Variants in B3GALNT2 observed in about 807,000 individuals in gnomAD.
B3GALNT2 encodes beta-1,3-N-acetylgalactosaminyltransferase 2.
In B3GALNT2, 53 loss-of-function variants were observed where a neutral mutation model predicts 61.1. That is an observed-to-expected ratio of 0.87 (90% confidence interval 0.70 to 1.09). The LOEUF (loss-of-function observed/expected upper bound fraction) is 1.09, where lower values mean the gene tolerates loss of function less well. Among genes scored for constraint, B3GALNT2 ranks in the 50% least tolerant of loss-of-function variants. The pLI is 0.00. For synonymous variants in B3GALNT2, 223 were observed against 237.4 expected, an observed-to-expected ratio of 0.94 and a Z score of 0.56; for missense variants, 544 against 623.0, an observed-to-expected ratio of 0.87 and a Z score of 1.35.
chr1:235,456,779 A>G (rs1450265217), intron 8 of B3GALNT2, among the ~76,000 whole-genome samples: 1 of 152,200 alleles, frequency 6.6e-6, no homozygotes, highest in Non-Finnish European at 1.5e-5. Context: ...ATCTTGCTCT[A>G]AAGAGTATCC....
chr1:235,460,081 C>A (rs1277288561), intron 7 of B3GALNT2, among the ~76,000 whole-genome samples: 1 of 149,276 alleles, frequency 6.7e-6, no homozygotes, highest in Non-Finnish European at 1.5e-5. Context: ...GCGTGAGCCA[C>A]TGCACCAGGC....
chr1:235,482,387 G>C (rs962985476), intron 4 of B3GALNT2, among the ~76,000 whole-genome samples: 3 of 151,760 alleles, frequency 2.0e-5, no homozygotes, highest in Admixed American at 6.6e-5. Context: ...AGGCATTAGG[G>C]GGAACCTCCC....
chr1:235,476,972 C>CTATG (rs1684315505), intron 5 of B3GALNT2, among the ~76,000 whole-genome samples: 1 of 151,038 alleles, frequency 6.6e-6, no homozygotes, highest in African/African-American at 2.4e-5. Context: ...CTGCGGTGAG[C>CTATG]TATGATCATG....
chr1:235,455,535 A>G (rs746138693), intron 9 of B3GALNT2, 24 bp downstream of exon 9: 11 of 1,607,758 alleles, frequency 6.8e-6, no homozygotes, highest in South Asian at 2.2e-5. Flanking sequence ...ACGAATGCCA[A>G]TGGGCTAAGA....
At chr1:235,453,367 C>G (rs534831283) in intron 10 of B3GALNT2, among the ~76,000 whole-genome samples, 1 of 152,026 alleles carries the variant, frequency 6.6e-6, no homozygotes, top group Non-Finnish European at 1.5e-5. Flanking sequence ...CGCGAGCAGA[C>G]GACCCATCCT....
chr1:235,444,566 G>A (rs1049191570), downstream of B3GALNT2, among the ~76,000 whole-genome samples: 5 of 152,048 alleles, frequency 3.3e-5, no homozygotes, highest in African/African-American at 9.7e-5. Context: ...ACCACACCCC[G>A]CTAATTTTTT....
chr1:235,453,608 G>C (rs995548329), intron 10 of B3GALNT2, among the ~76,000 whole-genome samples: 4 of 152,016 alleles, frequency 2.6e-5, no homozygotes, highest in African/African-American at 9.7e-5. Flanking sequence ...TGTGCGCCCA[G>C]CTAATTTTTT....
chr1:235,457,656 A>G (rs704709), intron 8 of B3GALNT2, among the ~76,000 whole-genome samples: 76,940 of 152,002 alleles, frequency 0.51, 19,866 homozygotes, highest in East Asian at 0.65. Context: ...AGCCAGCCAC[A>G]TAAGAGTTTT....
chr1:235,474,688 G>A (rs901180838), intron 5 of B3GALNT2, among the ~76,000 whole-genome samples: 1 of 151,692 alleles, frequency 6.6e-6, no homozygotes, highest in Non-Finnish European at 1.5e-5. Context: ...AGGTGTGGTG[G>A]CAGGCACTCG....
chr1:235,454,921 T>G (rs970141146), intron 9 of B3GALNT2, among the ~76,000 whole-genome samples: 5 of 152,218 alleles, frequency 3.3e-5, no homozygotes, highest in African/African-American at 1.2e-4. Context: ...CTAATCCATA[T>G]TGTATTCCTG....
intron 1 of B3GALNT2, among the ~76,000 whole-genome samples, chr1:235,498,664 A>C (rs1382038858): frequency 6.6e-6 from 1 of 151,944 alleles, no homozygotes; most frequent in East Asian, 1.9e-4. Context: ...AATATGGTGA[A>C]ACCTCATCTC....
At position 235,453,131 on chromosome 1, in the gene B3GALNT2, T is replaced by G. The variant is rs1285284378; in HGVS notation, c.1327A>C (p.Met443Leu). The G allele has an allele frequency of 6.2e-7, 1 of 1,612,722 alleles. No individual in the cohort carries two copies. Among genetic ancestry groups the G allele is most frequent in the Non-Finnish European group, 8.5e-7 (1 of 1,178,782 alleles). The change falls in exon 11 of 12, where the codon ATG becomes CTG. Residue 443 changes from methionine (M) to leucine (L), a missense_variant. Coordinates refer to ENST00000366600, the MANE Select transcript of B3GALNT2 (RefSeq NM_152490.5). ...CCTATGGCAGCCATCCAGATGCCCATGCTTACATCTTCACCCTATACATGG... is the reference window on the plus strand; with the variant it reads ...CCTATGGCAGCCATCCAGATGCCCAGGCTTACATCTTCACCCTATACATGG... ...LKTYQGEDVSMGIWMAAIGPK... is the reference protein window; with the variant it reads ...LKTYQGEDVSLGIWMAAIGPK...
intron 4 of B3GALNT2, among the ~76,000 whole-genome samples, chr1:235,480,905 CAAAAAAAAAAAAAAAAAAAAAAAA>C (rs55666590): frequency 1.3e-3 from 41 of 31,174 alleles, no homozygotes; most frequent in East Asian, 4.2e-3. Flanking sequence ...GACTCTGTCT[CAAAAAAAAAAAAAAAAAAAAAAAA>C]AAAAAAAAAA....
rs145451290 is a variant in B3GALNT2 at position 235,467,113 on chromosome 1, C to T, written c.763-1399G>A. ...CCTGTAATCCCAGCACTTTGGGAGG[C>T]GGAGGCGGGCGGATCACGAGGACAA... On this transcript the variant is annotated intron_variant, in intron 6 of 11. Coordinates refer to ENST00000366600, the MANE Select transcript of B3GALNT2 (RefSeq NM_152490.5). 2.2e-3 allele frequency among the ~76,000 whole-genome samples: 336 copies of T among 152,214 alleles called. 2 individuals are homozygous for T. The highest frequency in any genetic ancestry group is 7.2e-3 in the African/African-American group (299 of 41,524).
At chr1:235,493,912 C>T (rs1405219537) in intron 2 of B3GALNT2, among the ~76,000 whole-genome samples, 2 of 152,170 alleles carry the variant, frequency 1.3e-5, no homozygotes, top group South Asian at 2.1e-4. Context: ...AACTTCTATG[C>T]GTTTCTTCCC....
Position 235,448,814 on chromosome 1 carries a change from A to C in B3GALNT2, c.*1392T>G, listed in dbSNP as rs1354305421. 7.7e-7 allele frequency: 1 copy of C among 1,303,186 alleles called. No individual in the cohort carries two copies. The highest frequency in any genetic ancestry group is 1.7e-5 in the Admixed American group (1 of 59,130). The allele number at this position is 1,303,186 out of a possible 1,614,324, so 80.7% of individuals were successfully genotyped here. On this transcript the variant is annotated 3_prime_UTR_variant, in exon 12 of 12. Transcript: ENST00000366600. ...ACACTGCTTATCGTGTCTGGGGTTCACCGGAAATAAATGATTCACTGGAAC... is the reference window on the plus strand; with the variant it reads ...ACACTGCTTATCGTGTCTGGGGTTCCCCGGAAATAAATGATTCACTGGAAC...
chr1:235,485,833 G>T (rs1336615190), intron 3 of B3GALNT2, among the ~76,000 whole-genome samples: 1 of 152,116 alleles, frequency 6.6e-6, no homozygotes. Flanking sequence ...ATATATTGTG[G>T]TGAGTCTATA....
rs372425330 is a variant in B3GALNT2 at position 235,453,077 on chromosome 1, C to A, written c.1368+13G>T. 6.4e-5 allele frequency: 102 copies of A among 1,605,086 alleles called. No individual in the cohort carries two copies. In the African/African-American group the frequency reaches 1.3e-3, roughly 20 times the overall value. On this transcript the variant is annotated intron_variant, in intron 11 of 11. Transcript: ENST00000366600. ...AACTCTTAAGAACCCTGAGGCCATC[C>A]CCAAAGACTTACCTGGTATCTTTTA...
chr1:235,453,612 A>AT (rs1683031399), intron 10 of B3GALNT2, among the ~76,000 whole-genome samples: 1 of 151,842 alleles, frequency 6.6e-6, no homozygotes, highest in African/African-American at 2.4e-5. Context: ...CGCCCAGCTA[A>AT]TTTTTTGTAT....
Sources: allele counts gnomAD v4.1 joint callset (sites outside exome capture counted in the v4.1 genomes callset), GRCh38; gene constraint gnomAD v4.1.1; transcripts MANE v1.5; gene names NCBI Gene and HGNC (gene_info 2026-07-23, HGNC 2026-07-21).